Variants in SNRPE observed in about 807,000 individuals in gnomAD.
The protein encoded by SNRPE is small nuclear ribonucleoprotein polypeptide E.
For missense variants in SNRPE, 53 were observed against 111.6 expected, an observed-to-expected ratio of 0.48 and a Z score of 2.36; for synonymous variants, 35 against 36.7, an observed-to-expected ratio of 0.95 and a Z score of 0.17.
chr1:203,869,159 G>A (rs74546386), intron 4 of SNRPE, among the ~76,000 whole-genome samples: 3 of 152,274 alleles, frequency 2.0e-5, no homozygotes, highest in East Asian at 1.9e-4. Context: ...GTTGATCAAC[G>A]TGTCTCAAAC....
intron 4 of SNRPE, among the ~76,000 whole-genome samples, chr1:203,868,180 C>T (rs1284199451): frequency 1.3e-5 from 2 of 152,146 alleles, no homozygotes; most frequent in African/African-American, 4.8e-5. Context: ...CTTAGACTCC[C>T]AAGTAGCTGG....
At chr1:203,865,711 G>T (rs944648554) in intron 4 of SNRPE, among the ~76,000 whole-genome samples, 1 of 152,116 alleles carries the variant, frequency 6.6e-6, no homozygotes, top group South Asian at 2.1e-4. Flanking sequence ...GATGCTAATT[G>T]TCAGCTCCAG....
At chr1:203,866,376 T>C (rs1164731641) in intron 4 of SNRPE, among the ~76,000 whole-genome samples, 1 of 152,208 alleles carries the variant, frequency 6.6e-6, no homozygotes. Flanking sequence ...AATGAGTTGC[T>C]CCAGGCTTGG....
At chr1:203,861,771 G>T (rs993172270) in intron 1 of SNRPE, 58 bp downstream of exon 1, 1 of 1,292,674 alleles carries the variant, frequency 7.7e-7, no homozygotes, top group Non-Finnish European at 1.1e-6. Context: ...GGGTGCGAAG[G>T]CGCAGGCTGA....
chr1:203,866,929 A>G (rs1380064236), intron 4 of SNRPE, among the ~76,000 whole-genome samples: 1 of 144,656 alleles, frequency 6.9e-6, no homozygotes, highest in Non-Finnish European at 1.5e-5. Context: ...TGTATATGAT[A>G]TTCCTTGTGT....
At chr1:203,863,427 C>T (rs1488463003) in intron 2 of SNRPE, among the ~76,000 whole-genome samples, 7 of 152,154 alleles carry the variant, frequency 4.6e-5, no homozygotes, top group Non-Finnish European at 8.8e-5. Flanking sequence ...AAGCGATTCT[C>T]CTGCTTCAGC....
intron 3 of SNRPE, among the ~76,000 whole-genome samples, 189 bp downstream of exon 3, chr1:203,863,914 CTT>C: frequency 6.6e-6 from 1 of 150,880 alleles, no homozygotes; most frequent in East Asian, 2.0e-4. Context: ...GGGAAAATAA[CTT>C]TTAATTCATT....
At chr1:203,864,964 T>C in intron 3 of SNRPE, 77 bp from the exon 4 acceptor site, 1 of 1,403,732 alleles carries the variant, frequency 7.1e-7, no homozygotes, top group East Asian at 2.6e-5. Context: ...TTGGAGTTTT[T>C]ATCTGCATAG....
rs1482826220 is a variant in SNRPE at position 203,870,224 on chromosome 1, C to T, written c.*292C>T. On this transcript the variant is annotated 3_prime_UTR_variant, in exon 5 of 5. Transcript: ENST00000414487. ...GAGCTTGGACCTGTAGATTTTGAGG[C>T]AGATTAGGAATTCTGCCTGATGGGT... The T allele has an allele frequency of 4.2e-6, 1 of 236,084 alleles. No homozygotes were observed. Among genetic ancestry groups the T allele is most frequent in the Non-Finnish European group, 8.1e-6 (1 of 122,964 alleles). 14.6% of individuals were successfully genotyped at this position (236,084 alleles called of 1,614,324 possible).
chr1:203,862,053 C>T lies in SNRPE; in HGVS notation c.55-143C>T, dbSNP rs998300276. The T allele has an allele frequency of 1.2e-5, 8 of 689,376 alleles. No homozygotes were observed. The African/African-American group carries it at 1.3e-4, about 11-fold the overall frequency. The allele number at this position is 689,376 out of a possible 1,614,324, so 42.7% of individuals were successfully genotyped here. ...GTCTTTAGAAGACCCGTAACGAATGCCCAGCTGGGCACTTGTTGTTTGCGT... is the reference window on the plus strand; with the variant it reads ...GTCTTTAGAAGACCCGTAACGAATGTCCAGCTGGGCACTTGTTGTTTGCGT... On this transcript the variant is annotated intron_variant, in intron 1 of 4. Transcript: ENST00000414487.
In SNRPE at chr1:203,861,657, A is replaced by G. The variant is rs1166262004; in HGVS notation, c.-3A>G. ...GCGGGTGTGCTCTTTGTGAAATTCC[A>G]CCATGGCGTACCGTGGCCAGGGTCA... On this transcript the variant is annotated 5_prime_UTR_variant, in exon 1 of 5. Transcript: ENST00000414487. 1.2e-6 allele frequency: 2 copies of G among 1,612,302 alleles called. No homozygotes were observed. The highest frequency in any genetic ancestry group is 1.7e-5 in the Admixed American group (1 of 60,020).
In SNRPE at chr1:203,862,153, T is replaced by G. The variant is rs1205723643; in HGVS notation, c.55-43T>G. On this transcript the variant is annotated intron_variant, in intron 1 of 4. Coordinates refer to ENST00000414487, the MANE Select transcript of SNRPE (RefSeq NM_003094.4). ...CGTCCGGTTGTTTCAGGAAGCAGAG[T>G]CTATGCTGCTTTTGTATTTTTTCCT... is the stretch of plus-strand genomic sequence containing the variant. 5 of 1,535,564 alleles carry G rather than the reference T, an allele frequency of 3.3e-6. No homozygotes were observed. In the Admixed American group the frequency reaches 6.7e-5, roughly 21 times the overall value.
At position 203,865,404 on chromosome 1, in the gene SNRPE, A is replaced by G. The variant is rs543989962; in HGVS notation, c.223+285A>G. ...TATTAAACTCTCAACAGCATTTGGCACTGTTGGCTGCTCCCTCCTTAAAGC... is the reference window on the plus strand; with the variant it reads ...TATTAAACTCTCAACAGCATTTGGCGCTGTTGGCTGCTCCCTCCTTAAAGC... On this transcript the variant is annotated intron_variant, in intron 4 of 4. Transcript: ENST00000414487. Among the ~76,000 whole-genome samples, 198 of 152,262 alleles carry G rather than the reference A, an allele frequency of 1.3e-3. 1 individual carries two copies. The highest frequency in any genetic ancestry group is 4.5e-3 in the African/African-American group (185 of 41,558).
intron 1 of SNRPE, 50 bp downstream of exon 1, chr1:203,861,763 G>T: frequency 7.4e-7 from 1 of 1,354,668 alleles, no homozygotes; most frequent in South Asian, 1.2e-5. Context: ...AGAATACGGG[G>T]TGCGAAGGCG....
chr1:203,864,386 G>A (rs943618835), intron 3 of SNRPE, among the ~76,000 whole-genome samples: 1 of 152,102 alleles, frequency 6.6e-6, no homozygotes, highest in African/African-American at 2.4e-5. Flanking sequence ...CCTGAATAGA[G>A]AGCTCAGTGG....
chr1:203,864,219 C>T (rs971092043), intron 3 of SNRPE, among the ~76,000 whole-genome samples: 6 of 151,476 alleles, frequency 4.0e-5, no homozygotes, highest in Non-Finnish European at 8.8e-5. Context: ...CTCTCAAAGT[C>T]TTGGGATTAC....
At chr1:203,865,878 A>G (rs1690076973) in intron 4 of SNRPE, among the ~76,000 whole-genome samples, 1 of 152,202 alleles carries the variant, frequency 6.6e-6, no homozygotes, top group African/African-American at 2.4e-5. Context: ...ACAGATGAAG[A>G]GATGCGTAGG....
intron 4 of SNRPE, among the ~76,000 whole-genome samples, chr1:203,868,522 G>T (rs1339275019): frequency 1.3e-5 from 2 of 152,216 alleles, no homozygotes; most frequent in South Asian, 4.1e-4. Context: ...TGGGTTTCAG[G>T]TGTCTCTCTT....
chr1:203,861,685 A>G lies in SNRPE; in HGVS notation c.26A>G (p.Lys9Arg). Residue 9 changes from lysine to arginine, a missense_variant, in exon 1 of 5, where the codon AAA becomes AGA. Transcript: ENST00000414487. ...ATGGCGTACCGTGGCCAGGGTCAGA[A>G]AGTGCAGAAGGTTATGGTGCAGCCC... MAYRGQGQ[K>R]VQKVMVQPIN... 6.2e-7 allele frequency: 1 copy of G among 1,613,496 alleles called. No individual in the cohort carries two copies. The highest frequency in any genetic ancestry group is 8.5e-7 in the Non-Finnish European group (1 of 1,179,374).
Sources: gnomAD v4.1 joint callset for allele counts (sites outside exome capture counted in the v4.1 genomes callset) on GRCh38, gnomAD v4.1.1 for gene constraint, MANE v1.5 for transcripts, NCBI Gene and HGNC (gene_info 2026-07-23, HGNC 2026-07-21) for gene names.